The following CR1 variants were observed in gnomAD, a reference collection of about 807,000 sequenced individuals.
CR1 encodes the protein complement receptor type 1.
Under a neutral mutation model 187.3 loss-of-function variants are expected in CR1, and 116 were observed. That is an observed-to-expected ratio of 0.62 (90% confidence interval 0.53 to 0.72). The LOEUF (loss-of-function observed/expected upper bound fraction) is 0.72, where lower values mean the gene tolerates loss of function less well. Ranked by LOEUF, CR1 falls within the 30% of genes least tolerant of loss-of-function variation. The pLI, the probability that CR1 is intolerant of heterozygous loss-of-function variation, is 0.00. For missense variants in CR1, 1,731 were observed against 2,110.7 expected (o/e 0.82, Z 3.52); for synonymous variants, 576 against 747.1 (o/e 0.77, Z 3.73).
chr1:207,565,407 C>T lies in CR1; in HGVS notation c.3867-431C>T, dbSNP rs530848400. Among the ~76,000 whole-genome samples the T allele has an allele frequency of 9.3e-5, 14 of 150,474 alleles. 2 individuals are homozygous for T. The South Asian group carries it at 1.7e-3, about 18-fold the overall frequency. On this transcript the variant is annotated intron_variant, in intron 23 of 46. Transcript: ENST00000367049. ...GATGAAAGGACAATCTCTGTTCTCT[C>T]GCCAGCTATTTCCCACTTTTCCACT...
intron 4 of CR1, among the ~76,000 whole-genome samples, chr1:207,519,709 C>A (rs959170568): frequency 7.2e-5 from 11 of 152,132 alleles, no homozygotes; most frequent in African/African-American, 2.7e-4. Context: ...GGCAGCCTCC[C>A]GAGCCAAAGT....
intron 2 of CR1, 133 bp from the exon 3 acceptor site, chr1:207,506,581 G>A (rs1420962114): frequency 1.6e-5 from 12 of 738,338 alleles, no homozygotes; most frequent in Non-Finnish European, 2.3e-5. Context: ...GTTTCCTCAA[G>A]GTAGCAAAAT....
At chr1:207,636,655 G>A (rs184212433) in intron 46 of CR1, among the ~76,000 whole-genome samples, 36 of 152,304 alleles carry the variant, frequency 2.4e-4, no homozygotes, top group African/African-American at 8.7e-4. Flanking sequence ...AGAGTGCAAT[G>A]CAACTCCTGC....
At chr1:207,500,789 T>C (rs1377096621) in intron 1 of CR1, among the ~76,000 whole-genome samples, 1 of 152,244 alleles carries the variant, frequency 6.6e-6, no homozygotes, top group Non-Finnish European at 1.5e-5. Flanking sequence ...AATGAAATCA[T>C]ATGTCCACAC....
intron 32 of CR1, among the ~76,000 whole-genome samples, chr1:207,583,338 G>A (rs1229962527): frequency 1.3e-5 from 2 of 152,218 alleles, no homozygotes; most frequent in East Asian, 3.8e-4. Context: ...GGAAGTTTCA[G>A]TGGAGTGCTG....
rs202021797 is a variant in CR1 at position 207,567,904 on chromosome 1, G to A, written c.4033G>A (p.Ala1345Thr). 1.0e-3 allele frequency: 1,657 copies of A among 1,608,496 alleles called. 198 individuals are homozygous for A. In the African/African-American group the frequency reaches 0.02, roughly 20 times the overall value. ...TCTGGAAGTCTTTCCCTTTGGAAAAGCAGTAAATTACACATGCGACCCCCA... is the reference window on the plus strand; with the variant it reads ...TCTGGAAGTCTTTCCCTTTGGAAAAACAGTAAATTACACATGCGACCCCCA... ...KPLEVFPFGK[A>T]VNYTCDPHPD... The change falls in exon 25 of 47, where the codon GCA (alanine) becomes ACA (threonine). Residue 1345 changes from alanine (A) to threonine (T), a missense_variant. Physicochemically the swap from Ala to Thr is moderately conservative, Grantham distance 58. Coordinates refer to ENST00000367049, the MANE Select transcript of CR1 (RefSeq NM_000651.6).
intron 37 of CR1, among the ~76,000 whole-genome samples, chr1:207,610,777 T>C (rs916392332): frequency 6.6e-6 from 1 of 152,036 alleles, no homozygotes; most frequent in Admixed American, 6.6e-5. Flanking sequence ...GTTGTTCTTT[T>C]TGTTTATTTT....
At chr1:207,622,283 T>C (rs55898070) in intron 44 of CR1, among the ~76,000 whole-genome samples, 23 of 152,188 alleles carry the variant, frequency 1.5e-4, no homozygotes, top group African/African-American at 5.3e-4. Context: ...AAATTCTTTA[T>C]TTGAATGTGG....
Position 207,496,269 on chromosome 1 carries a change from T to TGGGGGCCTCTTCTCCAAGAAGCC in CR1, c.3_25dup (p.Pro9?), listed in dbSNP as rs1458097310. The TGGGGGCCTCTTCTCCAAGAAGCC allele has an allele frequency of 3.7e-6, 6 of 1,613,780 alleles. No individual in the cohort carries two copies. Among genetic ancestry groups the TGGGGGCCTCTTCTCCAAGAAGCC allele is most frequent in the Non-Finnish European group, 5.1e-6 (6 of 1,179,806 alleles). ...GGTTTGTAGATGTGCTTGGGGAGAA[T>TGGGGGCCTCTTCTCCAAGAAGCC]GGGGGCCTCTTCTCCAAGAAGCCCG... On this transcript the variant is annotated frameshift_variant and start_lost, in exon 1 of 47. Transcript: ENST00000367049. LOFTEE classifies it high-confidence loss of function.
In CR1 at chr1:207,621,987, C is replaced by T. The variant is rs941011635; in HGVS notation, c.7267C>T (p.Leu2423Phe). 1 of 1,597,802 alleles carries T rather than the reference C, an allele frequency of 6.3e-7. No individual in the cohort carries two copies. The highest frequency in any genetic ancestry group is 8.5e-7 in the Non-Finnish European group (1 of 1,170,686). Residue 2423 changes from leucine (L) to phenylalanine (F), a missense_variant, in exon 44 of 47, where the codon CTC (leucine) becomes TTC (phenylalanine). Leu to Phe is a conservative substitution (Grantham distance 22). Coordinates refer to ENST00000367049, the MANE Select transcript of CR1 (RefSeq NM_000651.6). ...AKCTSRTHDALIVGTLSGTIF... is the reference protein window; with the variant it reads ...AKCTSRTHDAFIVGTLSGTIF... ...CTTCCTTTTAGGTACACATGATGCTCTCATAGTTGGTAAGTTTTATGAAAG... is the reference window on the plus strand; with the variant it reads ...CTTCCTTTTAGGTACACATGATGCTTTCATAGTTGGTAAGTTTTATGAAAG...
chr1:207,526,073 T>A (rs1020817043), intron 5 of CR1, among the ~76,000 whole-genome samples: 4 of 152,234 alleles, frequency 2.6e-5, no homozygotes, highest in Admixed American at 1.3e-4. Context: ...CCTTACAATA[T>A]GTTGCGTAAA....
At chr1:207,508,774 C>T (rs1415327565) in intron 3 of CR1, among the ~76,000 whole-genome samples, 7 of 151,896 alleles carry the variant, frequency 4.6e-5, no homozygotes, top group African/African-American at 1.7e-4. Flanking sequence ...GGCTTCCCCT[C>T]AGATCACTAC....
intron 1 of CR1, among the ~76,000 whole-genome samples, chr1:207,502,726 C>T (rs1166634497): frequency 6.6e-6 from 1 of 152,298 alleles, no homozygotes; most frequent in Non-Finnish European, 1.5e-5. Context: ...GAAATATGAG[C>T]TTTCTTGGAG....
chr1:207,504,706 A>G (rs1659375917), intron 1 of CR1, among the ~76,000 whole-genome samples: 1 of 152,228 alleles, frequency 6.6e-6, no homozygotes, highest in South Asian at 2.1e-4. Flanking sequence ...GTGAAAGATG[A>G]TATAAATAGC....
chr1:207,639,032 A>G (rs1378933321), intron 46 of CR1, among the ~76,000 whole-genome samples: 1 of 152,234 alleles, frequency 6.6e-6, no homozygotes, highest in Non-Finnish European at 1.5e-5. Context: ...AAAGGGCTGA[A>G]TTGGGAATGC....
chr1:207,633,882 T>A (rs1021075671), intron 46 of CR1, among the ~76,000 whole-genome samples: 2 of 152,112 alleles, frequency 1.3e-5, no homozygotes, highest in African/African-American at 4.8e-5. Flanking sequence ...GGCCGTTTTA[T>A]AAGATTTGGG....
intron 35 of CR1, among the ~76,000 whole-genome samples, chr1:207,593,084 CAAAAA>C (rs57700679): frequency 3.6e-5 from 3 of 83,120 alleles, no homozygotes; most frequent in East Asian, 5.8e-4. Flanking sequence ...CACAGAATTA[CAAAAA>C]AAAAAAAAAA....
At chr1:207,622,093 C>T (rs1288632930) in intron 44 of CR1, 97 bp downstream of exon 44, 16 of 998,190 alleles carry the variant, frequency 1.6e-5, no homozygotes, top group Non-Finnish European at 2.4e-5. Flanking sequence ...ATCAAAATGT[C>T]TTGAGGTGTA....
intron 37 of CR1, among the ~76,000 whole-genome samples, chr1:207,610,034 G>T (rs1246382341): frequency 6.6e-6 from 1 of 152,140 alleles, no homozygotes; most frequent in Non-Finnish European, 1.5e-5. Context: ...ACAGTGGAAT[G>T]TATCATGAAC....
Sources: allele counts gnomAD v4.1 joint callset (sites outside exome capture counted in the v4.1 genomes callset), GRCh38; gene constraint gnomAD v4.1.1; transcripts MANE v1.5; gene names NCBI Gene and HGNC (gene_info 2026-07-23, HGNC 2026-07-21).